SYNE1: variants seen among roughly 807,000 people sequenced by gnomAD.
The protein encoded by SYNE1 is spectrin repeat containing nuclear envelope protein 1, also known as nesprin-1.
Under a neutral mutation model 1,111.0 loss-of-function variants are expected in SYNE1, and 616 were observed. The ratio of observed to expected loss-of-function variants is 0.55; its 90% CI spans 0.52 to 0.59. The LOEUF is 0.59. Among genes scored for constraint, SYNE1 ranks in the 20% least tolerant of loss-of-function variants. The probability of loss-of-function intolerance (pLI) is 0.00; values close to 1 mark genes in which losing one functional copy is unlikely to be tolerated. For synonymous variants in SYNE1, 3,855 were observed against 3,825.8 expected (o/e 1.01, Z -0.28); for missense variants, 10,006 against 10,417.0 (o/e 0.96, Z 1.72).
chr6:152,346,320 C>T (rs1302570050), intron 73 of SYNE1, among the ~76,000 whole-genome samples: 2 of 151,922 alleles, frequency 1.3e-5, no homozygotes, highest in Admixed American at 6.6e-5. Context: ...GTGCTTGCCA[C>T]CACGCCCAGG....
At chr6:152,363,250 T>G (rs2096968566) in intron 63 of SYNE1, among the ~76,000 whole-genome samples, 1 of 146,390 alleles carries the variant, frequency 6.8e-6, no homozygotes, top group South Asian at 2.3e-4. Flanking sequence ...ATCCCAGCAC[T>G]TTGGGAGGCC....
Position 152,211,522 on chromosome 6 carries a change from G to T in SYNE1, c.22561C>A (p.Leu7521Ile). Residue 7521 changes from leucine (L) to isoleucine (I), a missense_variant, in exon 124 of 146, where the codon CTT becomes ATT. Coordinates refer to ENST00000367255, the MANE Select transcript of SYNE1 (RefSeq NM_182961.4). ...TCATCAACTTGACCTTGTTCTAGAAGACGTTGCCCATCAATAATGATTGAG... is the reference window on the plus strand; with the variant it reads ...TCATCAACTTGACCTTGTTCTAGAATACGTTGCCCATCAATAATGATTGAG... Reference protein sequence around the residue: ...LHSIIIDGQRLLEQGQVDDRD... With the variant: ...LHSIIIDGQRILEQGQVDDRD... 6.2e-7 allele frequency: 1 copy of T among 1,613,774 alleles called. No individual in the cohort carries two copies. Among genetic ancestry groups the T allele is most frequent in the Non-Finnish European group, 8.5e-7 (1 of 1,179,830 alleles).
At chr6:152,366,383 A>C (rs759760039) in intron 62 of SYNE1, among the ~76,000 whole-genome samples, 2 of 151,070 alleles carry the variant, frequency 1.3e-5, no homozygotes, top group Non-Finnish European at 1.5e-5. Flanking sequence ...GGTTTATAGC[A>C]GGGCGCAGTG....
chr6:152,354,568 T>C, intron 67 of SYNE1, 91 bp downstream of exon 67: 1 of 1,524,818 alleles, frequency 6.6e-7, no homozygotes, highest in Non-Finnish European at 9.1e-7. Context: ...AAGCCTAAGC[T>C]TTGGATAAAA....
intron 74 of SYNE1, among the ~76,000 whole-genome samples, chr6:152,342,922 T>C (rs2096560387): frequency 2.6e-5 from 4 of 152,218 alleles, no homozygotes; most frequent in Admixed American, 6.5e-5. Context: ...CCCAAAACTA[T>C]GCAAGAAGCT....
chr6:152,445,948 C>T (rs2098583631), intron 29 of SYNE1, among the ~76,000 whole-genome samples: 1 of 151,960 alleles, frequency 6.6e-6, no homozygotes, highest in Non-Finnish European at 1.5e-5. Context: ...AAGTTTAAGG[C>T]AGATGAGTGT....
chr6:152,562,945 A>G (rs958341192), intron 3 of SYNE1, among the ~76,000 whole-genome samples: 14 of 152,282 alleles, frequency 9.2e-5, no homozygotes, highest in Admixed American at 2.6e-4. Flanking sequence ...GTTCAGATAC[A>G]ATAGGAAGAA....
intron 3 of SYNE1, among the ~76,000 whole-genome samples, chr6:152,541,405 G>A (rs927074928): frequency 2.0e-5 from 3 of 152,018 alleles, no homozygotes; most frequent in African/African-American, 7.2e-5. Flanking sequence ...TGTAAATGGG[G>A]TTGCATCCTT....
chr6:152,605,261 A>T (rs1417916181), intron 3 of SYNE1, among the ~76,000 whole-genome samples: 1 of 152,184 alleles, frequency 6.6e-6, no homozygotes, highest in Non-Finnish European at 1.5e-5. Flanking sequence ...CTTATTTCTC[A>T]TCTAAAGAAG....
At chr6:152,374,544 C>T (rs1250639213) in intron 58 of SYNE1, among the ~76,000 whole-genome samples, 1 of 152,098 alleles carries the variant, frequency 6.6e-6, no homozygotes, top group East Asian at 1.9e-4. Flanking sequence ...GAGGCCGAGG[C>T]GGGCACATCA....
chr6:152,372,253 A>T (rs1034111585), intron 59 of SYNE1, among the ~76,000 whole-genome samples: 1 of 152,220 alleles, frequency 6.6e-6, no homozygotes, highest in Non-Finnish European at 1.5e-5. Flanking sequence ...CTGGCCACGA[A>T]AAAACAGTCA....
chr6:152,333,907 A>T, intron 77 of SYNE1, 101 bp downstream of exon 77: 1 of 1,512,910 alleles, frequency 6.6e-7, no homozygotes, highest in Non-Finnish European at 9.1e-7. Context: ...TGCTGGGATT[A>T]CAGGCATCAG....
intron 47 of SYNE1, 83 bp downstream of exon 47, chr6:152,401,055 T>A: frequency 7.2e-7 from 1 of 1,385,356 alleles, no homozygotes; most frequent in Admixed American, 1.8e-5. Flanking sequence ...AGAGCAGAGG[T>A]TATATTTTTT....
At position 152,444,473 on chromosome 6, in the gene SYNE1, C is replaced by A; in HGVS notation, c.3775G>T (p.Ala1259Ser). The A allele has an allele frequency of 6.2e-7, 1 of 1,613,962 alleles. No individual in the cohort carries two copies. The highest frequency in any genetic ancestry group is 8.5e-7 in the Non-Finnish European group (1 of 1,179,948). ...TTTTCAGTATCCAAGATCTTCTCAGCTTGTTCCTGGACTTCTTTAGAGCCA... is the reference window on the plus strand; with the variant it reads ...TTTTCAGTATCCAAGATCTTCTCAGATTGTTCCTGGACTTCTTTAGAGCCA... ...ISGSKEVQEQ[A>S]EKILDTENLF... The change falls in exon 30 of 146, where the codon GCT (alanine) becomes TCT (serine). Residue 1259 changes from alanine (A) to serine (S), a missense_variant. Transcript: ENST00000367255.
chr6:152,545,862 C>T (rs919866601), intron 3 of SYNE1: 2 of 152,178 alleles, frequency 1.3e-5, no homozygotes, highest in Admixed American at 1.3e-4. Flanking sequence ...TCATTTAAAA[C>T]AAATCACACA....
At position 152,541,703 on chromosome 6, in the gene SYNE1, G is replaced by A. The variant is rs150246041; in HGVS notation, c.68-1682C>T. 5.1e-4 allele frequency among the ~76,000 whole-genome samples: 71 copies of A among 138,238 alleles called. No homozygotes were observed. The East Asian group carries it at 0.014, about 27-fold the overall frequency. The allele number at this position is 138,238 out of a possible 152,430, so 90.7% of individuals were successfully genotyped here. A position where few individuals can be genotyped will look rare whatever the true frequency, so the allele number is the denominator to read the frequency against. ...GCAGAGCTTGCAGTGAGCCGAGATC[G>A]TATCACTGCACTCCAGCCTGGGCGT... On this transcript the variant is annotated intron_variant, in intron 3 of 145. Transcript: ENST00000367255.
intron 4 of SYNE1, among the ~76,000 whole-genome samples, chr6:152,534,166 AAATAAATGAATGAATG>A (rs1028293237): frequency 3.4e-5 from 5 of 146,634 alleles, no homozygotes; most frequent in African/African-American, 1.3e-4. Flanking sequence ...TCAAAAAAAT[AAATAAATGAATGAATG>A]AATGAATGAA....
chr6:152,151,433 T>G, intron 135 of SYNE1, 120 bp downstream of exon 135: 1 of 1,229,500 alleles, frequency 8.1e-7, no homozygotes, highest in Non-Finnish European at 1.1e-6. Context: ...TGAATTTTTT[T>G]GCAGTCCAGA....
At chr6:152,497,128 CA>C (rs2099003975) in intron 11 of SYNE1, among the ~76,000 whole-genome samples, 1 of 152,202 alleles carries the variant, frequency 6.6e-6, no homozygotes, top group Non-Finnish European at 1.5e-5. Flanking sequence ...ATTGCTCGTA[CA>C]AAGCCTGTTT....
Sources: gnomAD v4.1 joint callset for allele counts (sites outside exome capture counted in the v4.1 genomes callset) on GRCh38, gnomAD v4.1.1 for gene constraint, MANE v1.5 for transcripts, NCBI Gene and HGNC (gene_info 2026-07-23, HGNC 2026-07-21) for gene names.